Variants in KCNH8 observed in about 807,000 individuals in gnomAD.
KCNH8 encodes the protein voltage-gated delayed rectifier potassium channel KCNH8.
Under a neutral mutation model 103.6 loss-of-function variants are expected in KCNH8, and 70 were observed. That is an observed-to-expected ratio of 0.68 (90% CI 0.56 to 0.82). KCNH8 has a LOEUF of 0.82. Among genes scored for constraint, KCNH8 ranks in the 40% least tolerant of loss-of-function variants. The pLI is 0.00. For synonymous variants in KCNH8, 498 were observed against 489.4 expected (o/e 1.02, Z -0.23); for missense variants, 1,217 against 1,329.9 (o/e 0.92, Z 1.32).
intron 11 of KCNH8, among the ~76,000 whole-genome samples, chr3:19,498,633 TC>T: frequency 6.6e-6 from 1 of 152,370 alleles, no homozygotes; most frequent in South Asian, 2.1e-4. Flanking sequence ...GGAACTGCGT[TC>T]CTTTGGAGGA....
At chr3:19,497,227 T>C (rs2068462262) in intron 11 of KCNH8, among the ~76,000 whole-genome samples, 1 of 152,200 alleles carries the variant, frequency 6.6e-6, no homozygotes. Flanking sequence ...TGTATGATTT[T>C]TCATGTCTTA....
At chr3:19,209,841 G>A (rs2063752597) in intron 1 of KCNH8, among the ~76,000 whole-genome samples, 1 of 152,048 alleles carries the variant, frequency 6.6e-6, no homozygotes, top group South Asian at 2.1e-4. Context: ...ATTCCTGGGA[G>A]AGTTATAGGT....
intron 11 of KCNH8, among the ~76,000 whole-genome samples, chr3:19,465,507 C>T (rs1352235163): frequency 2.0e-5 from 3 of 152,100 alleles, no homozygotes; most frequent in Admixed American, 6.5e-5. Context: ...TAATGCAGTT[C>T]TCATGCCTGC....
chr3:19,282,059 T>C (rs1286288133), intron 3 of KCNH8, among the ~76,000 whole-genome samples: 2 of 152,130 alleles, frequency 1.3e-5, no homozygotes, highest in Admixed American at 6.6e-5. Context: ...TGGATTTCTA[T>C]GTAGTAAGTT....
Position 19,293,388 on chromosome 3 carries a change from T to G in KCNH8, c.442+12059T>G, listed in dbSNP as rs1432095366. Among the ~76,000 whole-genome samples the G allele has an allele frequency of 3.3e-5, 5 of 152,186 alleles. No homozygotes were observed. In the East Asian group the frequency reaches 9.6e-4, roughly 29 times the overall value. On this transcript the variant is annotated intron_variant, in intron 3 of 15. Coordinates refer to ENST00000328405, the MANE Select transcript of KCNH8 (RefSeq NM_144633.3). The stretch of plus-strand genomic sequence containing the variant: ...GAAACAGAGCTCCTATCACAATTAT[T>G]TTTACCATTCTCATTTGTTATTTAA...
At chr3:19,273,402 T>A (rs1320356589) in intron 2 of KCNH8, among the ~76,000 whole-genome samples, 1 of 152,192 alleles carries the variant, frequency 6.6e-6, no homozygotes, top group East Asian at 1.9e-4. Flanking sequence ...ATCAGACATT[T>A]GTCTGCTCAC....
At chr3:19,183,716 G>A (rs762253163) in intron 1 of KCNH8, among the ~76,000 whole-genome samples, 19 of 152,230 alleles carry the variant, frequency 1.2e-4, no homozygotes, top group Admixed American at 3.3e-4. Flanking sequence ...TTTGTCACAC[G>A]TGTGGCTGAC....
At chr3:19,250,058 A>AC (rs1250525328) in intron 1 of KCNH8, among the ~76,000 whole-genome samples, 1 of 151,920 alleles carries the variant, frequency 6.6e-6, no homozygotes, top group Admixed American at 6.6e-5. Flanking sequence ...ACATGACAAA[A>AC]CCCCATCTCT....
chr3:19,461,235 TC>T (rs1223400690), intron 11 of KCNH8, among the ~76,000 whole-genome samples: 1 of 152,176 alleles, frequency 6.6e-6, no homozygotes, highest in Non-Finnish European at 1.5e-5. Context: ...GTTTTATACT[TC>T]CTGATGTTTT....
intron 11 of KCNH8, among the ~76,000 whole-genome samples, chr3:19,481,661 C>A (rs1012575234): frequency 3.8e-4 from 58 of 152,120 alleles, no homozygotes; most frequent in Admixed American, 3.7e-3. Flanking sequence ...ATCTATGACA[C>A]AGAAAAGGTT....
At chr3:19,493,153 C>T (rs1400321999) in intron 11 of KCNH8, among the ~76,000 whole-genome samples, 6 of 152,012 alleles carry the variant, frequency 3.9e-5, no homozygotes, top group Admixed American at 6.6e-5. Context: ...TCTAGATATA[C>T]AATAATATCA....
intron 2 of KCNH8, among the ~76,000 whole-genome samples, chr3:19,261,708 A>G (rs2064438076): frequency 6.6e-6 from 1 of 151,266 alleles, no homozygotes; most frequent in African/African-American, 2.4e-5. Context: ...CCTCCCCTAT[A>G]TTTTCTGCTA....
intron 1 of KCNH8, among the ~76,000 whole-genome samples, chr3:19,229,368 T>C (rs371526429): frequency 6.6e-6 from 1 of 152,236 alleles, no homozygotes; most frequent in Admixed American, 6.5e-5. Flanking sequence ...TGCCTGGCCA[T>C]CCAGGCATTT....
Position 19,187,503 on chromosome 3 carries a change from T to A in KCNH8, c.76+38708T>A, listed in dbSNP as rs74456093. Among the ~76,000 whole-genome samples, 869 of 152,158 alleles carry A rather than the reference T, an allele frequency of 5.7e-3. 12 individuals carry two copies. The highest frequency in any genetic ancestry group is 0.019 in the African/African-American group (782 of 41,558). On this transcript the variant is annotated intron_variant, in intron 1 of 15. Coordinates refer to ENST00000328405, the MANE Select transcript of KCNH8 (RefSeq NM_144633.3). The stretch of plus-strand genomic sequence containing the variant: ...ACTGGGGTTATATCACCTCAGTTGA[T>A]CACCCACTTCACTCATAAGACTAAC...
At chr3:19,494,915 A>G (rs2068405367) in intron 11 of KCNH8, among the ~76,000 whole-genome samples, 1 of 152,048 alleles carries the variant, frequency 6.6e-6, no homozygotes, top group Non-Finnish European at 1.5e-5. Flanking sequence ...ATACTATTTC[A>G]TTGTGGATTT....
chr3:19,490,345 G>A (rs967275931), intron 11 of KCNH8, among the ~76,000 whole-genome samples: 7 of 152,202 alleles, frequency 4.6e-5, no homozygotes, highest in East Asian at 1.9e-4. Flanking sequence ...CGAGCTCCCC[G>A]AGTGAGCAAT....
At chr3:19,352,786 G>T (rs2125323659) in intron 5 of KCNH8, among the ~76,000 whole-genome samples, 1 of 152,276 alleles carries the variant, frequency 6.6e-6, no homozygotes, top group Admixed American at 6.5e-5. Flanking sequence ...AAGCAGGAAA[G>T]ATCTAAAATT....
In KCNH8 at chr3:19,148,654, G is replaced by C; in HGVS notation, c.-66G>C. 1.3e-6 allele frequency: 2 copies of C among 1,506,926 alleles called. No homozygotes were observed. The highest frequency in any genetic ancestry group is 1.8e-6 in the Non-Finnish European group (2 of 1,081,734). The allele number at this position is 1,506,926 out of a possible 1,614,324, so 93.3% of individuals were successfully genotyped here. On this transcript the variant is annotated 5_prime_UTR_variant, in exon 1 of 16. Coordinates refer to ENST00000328405, the MANE Select transcript of KCNH8 (RefSeq NM_144633.3). Reference sequence around the variant, plus strand: ...ATCAGGTTCCCCTTCTCCCTTCTTGGCACTTTCCTTTCGAACCATCCTTCT... The same window carrying C: ...ATCAGGTTCCCCTTCTCCCTTCTTGCCACTTTCCTTTCGAACCATCCTTCT...
chr3:19,161,781 G>A (rs1275068928), intron 1 of KCNH8, among the ~76,000 whole-genome samples: 1 of 152,122 alleles, frequency 6.6e-6, no homozygotes, highest in Non-Finnish European at 1.5e-5. Context: ...AAGCATAAAT[G>A]TTCTTGGACT....
Sources: allele counts gnomAD v4.1 joint callset (sites outside exome capture counted in the v4.1 genomes callset), GRCh38; gene constraint gnomAD v4.1.1; transcripts MANE v1.5; gene names NCBI Gene and HGNC (gene_info 2026-07-23, HGNC 2026-07-21).